BCAS3: variants seen among roughly 807,000 people sequenced by gnomAD.
BCAS3 encodes the protein BCAS3 microtubule associated cell migration factor, also known as BCAS4/BCAS3 fusion.
Under a neutral mutation model 116.1 loss-of-function variants are expected in BCAS3, and 53 were observed. The observed-to-expected ratio is 0.46, with a 90% CI of 0.37 to 0.57. The LOEUF (loss-of-function observed/expected upper bound fraction) is 0.57. Ranked by LOEUF, BCAS3 falls within the 20% of genes least tolerant of loss-of-function variation. The probability of loss-of-function intolerance (pLI) is 0.00; values close to 1 mark genes in which losing one functional copy is unlikely to be tolerated. For synonymous variants in BCAS3, 391 were observed against 408.2 expected (o/e 0.96, Z 0.51); for missense variants, 917 against 1,165.4 (o/e 0.79, Z 3.10).
intron 18 of BCAS3, among the ~76,000 whole-genome samples, chr17:61,038,964 T>G (rs2067285599): frequency 6.6e-6 from 1 of 152,178 alleles, no homozygotes; most frequent in African/African-American, 2.4e-5. Flanking sequence ...CTTTCATTAC[T>G]TTTTCATTTG....
rs1024600074 is a variant in BCAS3 at position 60,960,432 on chromosome 17, C to T, written c.1221+13080C>T. Among the ~76,000 whole-genome samples, 5 of 151,940 alleles carry T rather than the reference C, an allele frequency of 3.3e-5. No homozygotes were observed. The highest frequency in any genetic ancestry group is 9.7e-5 in the African/African-American group (4 of 41,382). On this transcript the variant is annotated intron_variant, in intron 14 of 23. Transcript: ENST00000407086. The surrounding 1 kb of genome is among the most constrained non-coding windows in gnomAD (Gnocchi z 4.1). The stretch of plus-strand genomic sequence containing the variant: ...TGCCAAAATACAGTAGTAGGATATG[C>T]GTAGGATAGACATTTCAAAAGGAAG...
Position 61,279,708 on chromosome 17 carries a change from G to A in BCAS3, c.2426-88619G>A, listed in dbSNP as rs2051070773. Among the ~76,000 whole-genome samples the A allele has an allele frequency of 6.6e-6, 1 of 151,418 alleles. No homozygotes were observed. The highest frequency in any genetic ancestry group is 6.6e-5 in the Admixed American group (1 of 15,178). ...CATCCTGGTGTAGACCACAAACCAT[G>A]TTTAAAATAGTGGGCTAAGCCACTG... is the stretch of plus-strand genomic sequence containing the variant. On this transcript the variant is annotated intron_variant, in intron 22 of 23. Transcript: ENST00000407086. The surrounding 1 kb of genome is among the most constrained non-coding windows in gnomAD (Gnocchi z 4.4).
chr17:60,888,156 A>G (rs1295676653), intron 9 of BCAS3, among the ~76,000 whole-genome samples: 1 of 152,210 alleles, frequency 6.6e-6, no homozygotes, highest in Non-Finnish European at 1.5e-5. Flanking sequence ...GCAAGCAGGA[A>G]AACAGTTGTT....
intron 23 of BCAS3, chr17:61,389,074 C>T (rs1043731366): frequency 9.8e-5 from 24 of 245,394 alleles, no homozygotes; most frequent in African/African-American, 5.2e-4. Context: ...CAGAACCCCC[C>T]CGAGGGGGTC....
chr17:60,999,618 G>A (rs929426690), intron 15 of BCAS3, among the ~76,000 whole-genome samples: 1 of 151,214 alleles, frequency 6.6e-6, no homozygotes, highest in Non-Finnish European at 1.5e-5. Flanking sequence ...GCTTAGGATT[G>A]CTTTGGCTAT....
intron 7 of BCAS3, among the ~76,000 whole-genome samples, chr17:60,867,346 T>A (rs1240706681): frequency 6.6e-6 from 1 of 152,064 alleles, no homozygotes; most frequent in East Asian, 1.9e-4. Context: ...CCTCAAGTGA[T>A]CTGCCTGTCT....
At chr17:60,763,094 G>C (rs1475900076) in intron 6 of BCAS3, among the ~76,000 whole-genome samples, 2 of 152,088 alleles carry the variant, frequency 1.3e-5, no homozygotes, top group African/African-American at 4.8e-5. Flanking sequence ...GGAGATTTTG[G>C]GCTGAGACGA....
At chr17:60,989,498 A>G (rs535990851) in intron 14 of BCAS3, among the ~76,000 whole-genome samples, 63 of 149,424 alleles carry the variant, frequency 4.2e-4, no homozygotes, top group Non-Finnish European at 8.4e-4. Context: ...TTTTTTTAAC[A>G]TAACTGCACT....
chr17:61,002,829 AT>A (rs1177743114), intron 15 of BCAS3: 1 of 152,092 alleles, frequency 6.6e-6, no homozygotes, highest in African/African-American at 2.4e-5. Flanking sequence ...ATTAAACTTC[AT>A]TTTTGAGGCA....
chr17:61,201,844 C>T (rs1386032047), intron 22 of BCAS3, among the ~76,000 whole-genome samples: 2 of 151,186 alleles, frequency 1.3e-5, no homozygotes, highest in East Asian at 2.0e-4. Context: ...CTGCAACCTC[C>T]GCCTCCCGGG....
At chr17:60,727,896 C>T (rs1391197793) in intron 5 of BCAS3, among the ~76,000 whole-genome samples, 1 of 151,628 alleles carries the variant, frequency 6.6e-6, no homozygotes, top group African/African-American at 2.4e-5. Flanking sequence ...TAGCCTCTGC[C>T]TTCTAGGCTC....
At chr17:61,334,485 G>A (rs1036243605) in intron 22 of BCAS3, among the ~76,000 whole-genome samples, 1 of 152,072 alleles carries the variant, frequency 6.6e-6, no homozygotes, top group Admixed American at 6.5e-5. Context: ...GACCAACGTG[G>A]AGAAACCTGG....
At chr17:60,728,262 CT>C (rs1449665538) in intron 5 of BCAS3, among the ~76,000 whole-genome samples, 2 of 152,136 alleles carry the variant, frequency 1.3e-5, no homozygotes, top group Non-Finnish European at 2.9e-5. Context: ...CTGGGCACCC[CT>C]GATCTTTTTA....
rs2082429913 is a variant in BCAS3, at chr17:61,227,486, G to A, written c.2426-140841G>A. The stretch of plus-strand genomic sequence containing the variant: ...CTGTAAGAAGTTTGAAACAGAAAAG[G>A]GCTTTCTTTAGCTTTTGGGAGGAAT... On this transcript the variant is annotated intron_variant, in intron 22 of 23. Coordinates refer to ENST00000407086, the MANE Select transcript of BCAS3 (RefSeq NM_017679.5). This position sits in a 1 kb window ranked among gnomAD's most constrained non-coding sequence, Gnocchi z 6.1. Among the ~76,000 whole-genome samples, 1 of 152,194 alleles carries A rather than the reference G, an allele frequency of 6.6e-6. No individual in the cohort carries two copies. Among genetic ancestry groups the A allele is most frequent in the African/African-American group, 2.4e-5 (1 of 41,458 alleles).
chr17:61,306,393 A>G (rs2053860303), intron 22 of BCAS3, among the ~76,000 whole-genome samples: 1 of 152,212 alleles, frequency 6.6e-6, no homozygotes, highest in African/African-American at 2.4e-5. Flanking sequence ...AGAATAGCAC[A>G]CTTTGTTTTG....
chr17:61,071,391 A>G (rs1026102997), intron 19 of BCAS3, among the ~76,000 whole-genome samples: 3 of 152,182 alleles, frequency 2.0e-5, no homozygotes, highest in African/African-American at 7.2e-5. Flanking sequence ...CTACTGATCT[A>G]TTTTAGAGGA....
intron 4 of BCAS3, among the ~76,000 whole-genome samples, chr17:60,692,032 A>G (rs2034892651): frequency 6.6e-6 from 1 of 151,722 alleles, no homozygotes; most frequent in Non-Finnish European, 1.5e-5. Flanking sequence ...CTTGGGGGCA[A>G]CAAGAGTGAA....
chr17:61,387,381 C>G lies in BCAS3; in HGVS notation c.2594-4596C>G, dbSNP rs1373404229. ...CGCTCCCAAGTGACCAGGGTTGCTTCTCTCTAAAAAGGCCAGTCCCCTCTT... is the reference window on the plus strand; with the variant it reads ...CGCTCCCAAGTGACCAGGGTTGCTTGTCTCTAAAAAGGCCAGTCCCCTCTT... On this transcript the variant is annotated intron_variant, in intron 23 of 23. Transcript: ENST00000407086. This position sits in a 1 kb window ranked among gnomAD's most constrained non-coding sequence, Gnocchi z 6.2. Among the ~76,000 whole-genome samples, 1 of 152,198 alleles carries G rather than the reference C, an allele frequency of 6.6e-6. No homozygotes were observed. The highest frequency in any genetic ancestry group is 1.5e-5 in the Non-Finnish European group (1 of 68,030).
At chr17:61,190,053 A>G (rs2080007773) in intron 22 of BCAS3, among the ~76,000 whole-genome samples, 1 of 152,222 alleles carries the variant, frequency 6.6e-6, no homozygotes, top group South Asian at 2.1e-4. Context: ...AACAGGAGTC[A>G]TAGGGGAGTG....
Sources: gnomAD v4.1 joint callset for allele counts (sites outside exome capture counted in the v4.1 genomes callset) on GRCh38, gnomAD v4.1.1 for gene constraint, Gnocchi (gnomAD v3.1) non-coding constraint, MANE v1.5 for transcripts, NCBI Gene and HGNC (gene_info 2026-07-23, HGNC 2026-07-21) for gene names.